The following SHANK2 variants were observed in gnomAD, a reference collection of about 807,000 sequenced individuals.
The protein encoded by SHANK2 is SH3 and multiple ankyrin repeat domains protein 2.
In SHANK2, 43 loss-of-function variants were observed where a neutral mutation model predicts 133.7. The observed-to-expected ratio is 0.32, with a 90% CI of 0.25 to 0.41. The LOEUF (loss-of-function observed/expected upper bound fraction) is 0.41. Among genes scored for constraint, SHANK2 ranks in the 10% least tolerant of loss-of-function variants. SHANK2 has a pLI of 1.00. For synonymous variants in SHANK2, 1,017 were observed against 952.8 expected, an observed-to-expected ratio of 1.07 and a Z score of -1.24; for missense variants, 1,994 against 2,235.8, an observed-to-expected ratio of 0.89 and a Z score of 2.18.
intron 12 of SHANK2, among the ~76,000 whole-genome samples, chr11:70,818,128 CAGG>C: frequency 6.6e-6 from 1 of 152,292 alleles, no homozygotes; most frequent in African/African-American, 2.4e-5. Flanking sequence ...AGCGTGTATG[CAGG>C]AGGCCAGGCA....
intron 2 of SHANK2, among the ~76,000 whole-genome samples, chr11:71,172,588 ACT>A (rs1953338232): frequency 8.1e-6 from 1 of 123,760 alleles, no homozygotes; most frequent in Non-Finnish European, 1.7e-5. Context: ...ACAGAGTGAG[ACT>A]CTGTCTCAAA....
chr11:70,859,170 TAGAG>T (rs1249699233), intron 11 of SHANK2, among the ~76,000 whole-genome samples: 2 of 151,974 alleles, frequency 1.3e-5, no homozygotes, highest in Non-Finnish European at 2.9e-5. Context: ...GTATAGATAA[TAGAG>T]AGATGAACAG....
chr11:71,228,806 G>A (rs181938214), intron 1 of SHANK2, among the ~76,000 whole-genome samples: 35 of 152,136 alleles, frequency 2.3e-4, no homozygotes, highest in African/African-American at 7.7e-4. Context: ...TTATACAAAC[G>A]TAAATCAAAG....
chr11:70,887,250 G>A (rs1298521458), intron 11 of SHANK2, among the ~76,000 whole-genome samples: 10 of 149,934 alleles, frequency 6.7e-5, no homozygotes, highest in African/African-American at 2.2e-4. Flanking sequence ...TTACTTGGCC[G>A]GCTAAACACT....
At chr11:70,499,168 C>T (rs1437042824) in intron 21 of SHANK2, among the ~76,000 whole-genome samples, 2 of 152,272 alleles carry the variant, frequency 1.3e-5, no homozygotes, top group Non-Finnish European at 2.9e-5. Flanking sequence ...ATGGGATGCC[C>T]TCATGGCCCT....
intron 2 of SHANK2, among the ~76,000 whole-genome samples, chr11:71,176,371 T>C (rs1377360310): frequency 6.6e-6 from 1 of 152,164 alleles, no homozygotes; most frequent in Non-Finnish European, 1.5e-5. Flanking sequence ...TGAAAAATTA[T>C]CACACATGCA....
intron 14 of SHANK2, among the ~76,000 whole-genome samples, chr11:70,730,571 G>A (rs558075154): frequency 6.6e-6 from 1 of 152,258 alleles, no homozygotes; most frequent in Admixed American, 6.5e-5. Flanking sequence ...TGTCCTCAGA[G>A]CTGCCTGATG....
chr11:70,765,799 AAATAAGTTTTGTT>A (rs1555041199), intron 14 of SHANK2, among the ~76,000 whole-genome samples: 1 of 152,124 alleles, frequency 6.6e-6, no homozygotes, highest in Non-Finnish European at 1.5e-5. Flanking sequence ...CCCATACATG[AAATAAGTTTTGTT>A]TTCTCACTTA....
At chr11:71,203,557 A>G (rs9783333) in intron 2 of SHANK2, among the ~76,000 whole-genome samples, 61,808 of 151,950 alleles carry the variant, frequency 0.41, 16,052 homozygotes, top group African/African-American at 0.72. Flanking sequence ...CCAAGATGGC[A>G]CCACTGCACT....
chr11:70,515,912 T>C (rs1554969981), intron 17 of SHANK2, among the ~76,000 whole-genome samples: 1 of 152,218 alleles, frequency 6.6e-6, no homozygotes, highest in Non-Finnish European at 1.5e-5. Flanking sequence ...TTTTTTTTTC[T>C]TTGATCTCAC....
At chr11:70,712,999 C>T (rs1407395898) in intron 14 of SHANK2, among the ~76,000 whole-genome samples, 6 of 152,346 alleles carry the variant, frequency 3.9e-5, no homozygotes, top group South Asian at 4.1e-4. Flanking sequence ...AGAACAGCCT[C>T]GTGTCACACG....
intron 14 of SHANK2, among the ~76,000 whole-genome samples, chr11:70,717,557 C>G (rs1223471859): frequency 6.6e-6 from 1 of 152,226 alleles, no homozygotes; most frequent in Non-Finnish European, 1.5e-5. Context: ...GCCATTGCCA[C>G]CCCGTCTCAC....
intron 3 of SHANK2, among the ~76,000 whole-genome samples, chr11:71,133,420 A>AGAAGGAGG (rs1952367852): frequency 8.0e-5 from 1 of 12,454 alleles, no homozygotes; most frequent in Non-Finnish European, 1.4e-4. Flanking sequence ...ATGGATGGAC[A>AGAAGGAGG]GATGGAGGGA....
At chr11:71,197,300 G>A (rs1953925143) in intron 2 of SHANK2, among the ~76,000 whole-genome samples, 1 of 152,236 alleles carries the variant, frequency 6.6e-6, no homozygotes, top group Non-Finnish European at 1.5e-5. Flanking sequence ...GGTGGAGGAG[G>A]GTGTGGGCAG....
chr11:70,851,328 C>T (rs1565360901), intron 11 of SHANK2, among the ~76,000 whole-genome samples: 1 of 152,210 alleles, frequency 6.6e-6, no homozygotes, highest in Non-Finnish European at 1.5e-5. Context: ...CATCTGGTCA[C>T]CTGGCTGTCC....
chr11:71,105,615 G>C (rs201253760), intron 6 of SHANK2, among the ~76,000 whole-genome samples: 3 of 100,612 alleles, frequency 3.0e-5, no homozygotes, highest in Non-Finnish European at 6.4e-5. Context: ...AAAAAAAAAA[G>C]AAAGGGTCAG....
At chr11:71,120,790 T>C (rs1952070703) in intron 3 of SHANK2, among the ~76,000 whole-genome samples, 1 of 152,166 alleles carries the variant, frequency 6.6e-6, no homozygotes. Context: ...CGCTCACTAC[T>C]CACCCTTCAG....
chr11:70,827,847 G>C (rs570988730), intron 11 of SHANK2, among the ~76,000 whole-genome samples: 2 of 152,166 alleles, frequency 1.3e-5, no homozygotes, highest in African/African-American at 4.8e-5. Flanking sequence ...GAAGGCTGGG[G>C]GCCCCCCAGG....
intron 14 of SHANK2, among the ~76,000 whole-genome samples, chr11:70,760,625 GA>G (rs782548193): frequency 2.6e-5 from 4 of 152,266 alleles, no homozygotes; most frequent in Non-Finnish European, 5.9e-5. Context: ...CCCTTGAGGG[GA>G]CTCGATGAAT....
Sources: gnomAD v4.1 joint callset for allele counts (sites outside exome capture counted in the v4.1 genomes callset) on GRCh38, gnomAD v4.1.1 for gene constraint, MANE v1.5 for transcripts, NCBI Gene and HGNC (gene_info 2026-07-23, HGNC 2026-07-21) for gene names.